Variants in WWOX observed in about 807,000 individuals in gnomAD.
WWOX encodes the protein WW domain-containing oxidoreductase.
Under a neutral mutation model 46.2 loss-of-function variants are expected in WWOX, and 69 were observed. The observed-to-expected ratio is 1.49, with a 90% CI of 1.23 to 1.82. The LOEUF (loss-of-function observed/expected upper bound fraction) is 1.82. Ranked by LOEUF, WWOX falls within the 40% of genes most tolerant of loss-of-function variation. The pLI is 0.00. For synonymous variants in WWOX, 359 were observed against 202.6 expected (o/e 1.77, Z -6.56); for missense variants, 919 against 542.6 (o/e 1.69, Z -6.89).
intron 6 of WWOX, among the ~76,000 whole-genome samples, chr16:78,389,710 C>A (rs2082138904): frequency 6.6e-6 from 1 of 151,960 alleles, no homozygotes; most frequent in Non-Finnish European, 1.5e-5. Flanking sequence ...CTTCACGGCT[C>A]CAACTTGACC....
At chr16:78,956,684 C>G (rs746337877) in intron 8 of WWOX, among the ~76,000 whole-genome samples, 5 of 152,080 alleles carry the variant, frequency 3.3e-5, no homozygotes, top group South Asian at 4.1e-4. Context: ...ACTTTTTAAT[C>G]TCTTTGTGCA....
intron 5 of WWOX, among the ~76,000 whole-genome samples, chr16:78,324,079 A>G (rs1213938955): frequency 6.6e-6 from 1 of 152,124 alleles, no homozygotes; most frequent in Non-Finnish European, 1.5e-5. Context: ...GACTTGTTCA[A>G]GGCTACAGTA....
Position 78,465,595 on chromosome 16 carries a change from C to A in WWOX, c.1056+32843C>A, listed in dbSNP as rs1269572411. ...AGTAACTCACATGGACCCATAATCT[C>A]TGAATTTAACATGCTTTTCAGGAAT... On this transcript the variant is annotated intron_variant, in intron 8 of 8. Coordinates refer to ENST00000566780, the MANE Select transcript of WWOX (RefSeq NM_016373.4). 7.2e-5 allele frequency among the ~76,000 whole-genome samples: 11 copies of A among 152,206 alleles called. No individual in the cohort carries two copies. The East Asian group carries it at 2.1e-3, about 29-fold the overall frequency.
chr16:78,117,190 T>C (rs571511665), intron 4 of WWOX, among the ~76,000 whole-genome samples: 81 of 152,268 alleles, frequency 5.3e-4, no homozygotes, highest in African/African-American at 1.8e-3. Flanking sequence ...CTGATACCTA[T>C]AATTCATTTT....
chr16:78,193,814 TTTTA>T (rs1324935336), intron 5 of WWOX, among the ~76,000 whole-genome samples: 1 of 146,678 alleles, frequency 6.8e-6, no homozygotes, highest in Non-Finnish European at 1.5e-5. Flanking sequence ...TTAATTTAAT[TTTTA>T]TTTATTATTA....
At chr16:78,443,823 T>C (rs2083499199) in intron 8 of WWOX, among the ~76,000 whole-genome samples, 1 of 152,234 alleles carries the variant, frequency 6.6e-6, no homozygotes, top group Non-Finnish European at 1.5e-5. Flanking sequence ...TGGTGCCTTC[T>C]TTGATCCTCC....
chr16:78,289,772 G>T (rs941406894), intron 5 of WWOX, among the ~76,000 whole-genome samples: 8 of 152,180 alleles, frequency 5.3e-5, no homozygotes, highest in Non-Finnish European at 1.0e-4. Flanking sequence ...GGATGGTCTG[G>T]TCCTTTAGAG....
At chr16:78,835,195 T>C (rs1355646627) in intron 8 of WWOX, among the ~76,000 whole-genome samples, 1 of 152,216 alleles carries the variant, frequency 6.6e-6, no homozygotes, top group Non-Finnish European at 1.5e-5. Flanking sequence ...GCTGTCTTTA[T>C]TATAGTGGCC....
At chr16:78,562,285 C>T (rs999840334) in intron 8 of WWOX, among the ~76,000 whole-genome samples, 1 of 152,218 alleles carries the variant, frequency 6.6e-6, no homozygotes, top group African/African-American at 2.4e-5. Flanking sequence ...AGAATTCCTA[C>T]TCTGAGAGCT....
chr16:78,789,298 T>C (rs1189465293), intron 8 of WWOX, among the ~76,000 whole-genome samples: 1 of 152,232 alleles, frequency 6.6e-6, no homozygotes, highest in East Asian at 1.9e-4. Flanking sequence ...GTTAAGACTT[T>C]TGATCCATTT....
chr16:78,287,113 A>G (rs1339864985), intron 5 of WWOX, among the ~76,000 whole-genome samples: 2 of 152,248 alleles, frequency 1.3e-5, no homozygotes, highest in African/African-American at 4.8e-5. Flanking sequence ...TCAGAAAAAC[A>G]ATGTGAAATT....
At chr16:78,915,591 G>A (rs1173734863) in intron 8 of WWOX, among the ~76,000 whole-genome samples, 6 of 152,122 alleles carry the variant, frequency 3.9e-5, no homozygotes, top group Non-Finnish European at 2.9e-5. Flanking sequence ...CTGTGACATT[G>A]CTGGTTCCTA....
At chr16:78,976,695 T>C (rs1378346064) in intron 8 of WWOX, among the ~76,000 whole-genome samples, 2 of 152,214 alleles carry the variant, frequency 1.3e-5, no homozygotes, top group Non-Finnish European at 2.9e-5. Flanking sequence ...AGAAAATGCC[T>C]GAGACCCACC....
At chr16:78,104,239 C>CACACACACACACACAG (rs2031991597) in intron 1 of WWOX, among the ~76,000 whole-genome samples, 1 of 147,586 alleles carries the variant, frequency 6.8e-6, no homozygotes, top group Middle Eastern at 3.2e-3. Flanking sequence ...AAAACACACA[C>CACACACACACACACAG]ACACACACAC....
chr16:78,396,549 C>T (rs1242116964), intron 6 of WWOX, among the ~76,000 whole-genome samples: 2 of 152,078 alleles, frequency 1.3e-5, no homozygotes, highest in Non-Finnish European at 2.9e-5. Context: ...ATACAATTAC[C>T]CCAGGGTTGT....
chr16:78,964,611 G>T (rs949934721), intron 8 of WWOX, among the ~76,000 whole-genome samples: 1 of 152,206 alleles, frequency 6.6e-6, no homozygotes, highest in African/African-American at 2.4e-5. Flanking sequence ...CGATAGAAAA[G>T]AAAAACCCAT....
intron 8 of WWOX, among the ~76,000 whole-genome samples, chr16:78,846,083 T>G: frequency 6.6e-6 from 1 of 152,216 alleles, no homozygotes; most frequent in East Asian, 1.9e-4. Context: ...GAATTCAGAC[T>G]TAGTCATCAG....
At chr16:78,934,649 G>T (rs1343890285) in intron 8 of WWOX, among the ~76,000 whole-genome samples, 1 of 152,104 alleles carries the variant, frequency 6.6e-6, no homozygotes, top group South Asian at 2.1e-4. Context: ...CTAATGTGGG[G>T]TCTTTGTGGA....
chr16:78,854,363 T>C (rs1322172373), intron 8 of WWOX, among the ~76,000 whole-genome samples: 5 of 152,230 alleles, frequency 3.3e-5, no homozygotes, highest in Non-Finnish European at 5.9e-5. Context: ...TTTAAGTCTT[T>C]TAGCACCAAA....
Sources: allele counts gnomAD v4.1 joint callset (sites outside exome capture counted in the v4.1 genomes callset), GRCh38; gene constraint gnomAD v4.1.1; transcripts MANE v1.5; gene names NCBI Gene and HGNC (gene_info 2026-07-23, HGNC 2026-07-21).